Variants in AKAP12 observed in about 807,000 individuals in gnomAD.
AKAP12 encodes A-kinase anchoring protein 12.
Under a neutral mutation model 79.9 loss-of-function variants are expected in AKAP12, and 32 were observed. The observed-to-expected ratio is 0.40, with a 90% CI of 0.30 to 0.54. The LOEUF is 0.54. AKAP12 is among the 20% of genes least tolerant of loss of function. The pLI, the probability that AKAP12 is intolerant of heterozygous loss-of-function variation, is 0.48. For synonymous variants in AKAP12, 808 were observed against 857.0 expected (o/e 0.94, Z 1.00); for missense variants, 2,074 against 2,177.0 (o/e 0.95, Z 0.94).
chr6:151,333,156 G>A (rs1777720787), intron 3 of AKAP12, among the ~76,000 whole-genome samples: 2 of 152,142 alleles, frequency 1.3e-5, no homozygotes, highest in Non-Finnish European at 2.9e-5. Flanking sequence ...ATTAAAAGAA[G>A]CGCCCTAACG....
intron 3 of AKAP12, among the ~76,000 whole-genome samples, chr6:151,330,009 C>T (rs911561186): frequency 6.6e-6 from 1 of 152,152 alleles, no homozygotes; most frequent in African/African-American, 2.4e-5. Context: ...TTTAAGGGAT[C>T]GTGAAACATC....
At chr6:151,338,353 C>T (rs1777866605) in intron 3 of AKAP12, among the ~76,000 whole-genome samples, 1 of 151,928 alleles carries the variant, frequency 6.6e-6, no homozygotes, top group Admixed American at 6.6e-5. Flanking sequence ...TAGCTTTTGT[C>T]TTTTAGACTT....
rs755477991 is a variant in AKAP12, at chr6:151,351,244, T to C, written c.2853T>C (p.Thr951=). Residue 951 remains threonine, a synonymous_variant, in exon 4 of 5, where the codon ACT becomes ACC. Coordinates refer to ENST00000402676, the MANE Select transcript of AKAP12 (RefSeq NM_005100.4). This position sits in a 1 kb window ranked among gnomAD's most constrained non-coding sequence, Gnocchi z 4.4. The part of the protein sequence containing the change: ...VIAEEEPPTV[T]EPLPENREAR... ...CAGAAGAAGAACCCCCCACGGTTAC[T>C]GAACCTCTGCCAGAGAACAGAGAGG... is the stretch of plus-strand genomic sequence containing the variant. The C allele has an allele frequency of 2.8e-5, 45 of 1,614,218 alleles. No homozygotes were observed. The highest frequency in any genetic ancestry group is 1.2e-4 in the South Asian group (11 of 91,088).
In AKAP12 at chr6:151,353,004, G is replaced by A; in HGVS notation, c.4613G>A (p.Gly1538Glu). The change falls in exon 4 of 5, where the codon GGG (glycine) becomes GAG (glutamate). Residue 1538 changes from glycine (G) to glutamate (E), a missense_variant. By Grantham distance (98) the Gly-to-Glu change is moderately conservative. Around this residue, in one of 3 missense-constraint regions of AKAP12, gnomAD observed 614 missense variants for 665.6 expected, o/e 0.92. Coordinates refer to ENST00000402676, the MANE Select transcript of AKAP12 (RefSeq NM_005100.4). ...ATTGAGGATTTAGAGCCTGAAAATG[G>A]GATTTTGGAACTTGAGACCAAAAGC... Reference protein sequence around the residue: ...VAIEDLEPENGILELETKSSK... With the variant: ...VAIEDLEPENEILELETKSSK... 1 of 1,614,076 alleles carries A rather than the reference G, an allele frequency of 6.2e-7. No homozygotes were observed.
At chr6:151,240,305 G>A in intron 1 of AKAP12, 79 bp from the exon 2 acceptor site, 1 of 361,710 alleles carries the variant, frequency 2.8e-6, no homozygotes, top group East Asian at 4.5e-5. Flanking sequence ...GTGCTCATGT[G>A]ATGAAGCGAG....
At chr6:151,281,048 C>T (rs1026530803) in intron 2 of AKAP12, among the ~76,000 whole-genome samples, 1 of 152,148 alleles carries the variant, frequency 6.6e-6, no homozygotes, top group Non-Finnish European at 1.5e-5. Flanking sequence ...TTCCATTCTG[C>T]AGGAAGTGGC....
chr6:151,247,405 T>TA (rs974130131), intron 2 of AKAP12, among the ~76,000 whole-genome samples: 16 of 151,734 alleles, frequency 1.1e-4, no homozygotes, highest in African/African-American at 2.7e-4. Flanking sequence ...TATCTCTATT[T>TA]AAAAAAACAA....
intron 3 of AKAP12, chr6:151,324,452 C>T (rs1777474562): frequency 1.0e-6 from 1 of 985,282 alleles, no homozygotes; most frequent in Non-Finnish European, 1.2e-6. Flanking sequence ...CGTGCCATGC[C>T]AGCCAGCTCT....
intron 2 of AKAP12, among the ~76,000 whole-genome samples, chr6:151,303,780 C>T (rs900012062): frequency 4.6e-5 from 7 of 152,066 alleles, no homozygotes; most frequent in Admixed American, 1.3e-4. Context: ...AAGCATGGCA[C>T]GTATCTTTGT....
chr6:151,304,033 A>T (rs957818531), intron 2 of AKAP12, among the ~76,000 whole-genome samples: 2 of 152,226 alleles, frequency 1.3e-5, no homozygotes, highest in African/African-American at 2.4e-5. Context: ...TCATTATTAT[A>T]AAATGGAAAT....
chr6:151,343,889 C>T lies in AKAP12; in HGVS notation c.320-4822C>T, dbSNP rs776879329. The T allele has an allele frequency of 1.0e-3, 437 of 434,170 alleles. 2 individuals are homozygous for T. The highest frequency in any genetic ancestry group is 5.8e-4 in the South Asian group (33 of 56,562). 26.9% of individuals were successfully genotyped at this position (434,170 alleles called of 1,614,324 possible). A position where few individuals can be genotyped will look rare whatever the true frequency, so the allele number is the denominator to read the frequency against. ...TCACAGTGTCAGTTTATAATAGGAA[C>T]AAATAGAAACTTAAAGCATTTTCTT... is the stretch of plus-strand genomic sequence containing the variant. On this transcript the variant is annotated intron_variant, in intron 3 of 4. Coordinates refer to ENST00000402676, the MANE Select transcript of AKAP12 (RefSeq NM_005100.4).
intron 3 of AKAP12, among the ~76,000 whole-genome samples, chr6:151,309,207 A>C: frequency 6.6e-6 from 1 of 152,142 alleles, no homozygotes; most frequent in South Asian, 2.1e-4. Flanking sequence ...TTGCTTCCAG[A>C]AATCAGAATT....
chr6:151,350,776 C>T lies in AKAP12; in HGVS notation c.2385C>T (p.Asp795=), dbSNP rs1191112344. Residue 795 remains aspartate (D), a synonymous_variant, in exon 4 of 5, where the codon GAC becomes GAT. Coordinates refer to ENST00000402676, the MANE Select transcript of AKAP12 (RefSeq NM_005100.4). This position sits in a 1 kb window ranked among gnomAD's most constrained non-coding sequence, Gnocchi z 4.8. ...AGSGVEHSTP[D]TEPGKEESWV... Reference sequence around the variant, plus strand: ...CTGGTGTAGAACATTCCACTCCAGACACTGAACCCGGTAAAGAAGAATCCT... The same window carrying T: ...CTGGTGTAGAACATTCCACTCCAGATACTGAACCCGGTAAAGAAGAATCCT... 2.5e-6 allele frequency: 4 copies of T among 1,614,004 alleles called. No individual in the cohort carries two copies. The highest frequency in any genetic ancestry group is 2.5e-6 in the Non-Finnish European group (3 of 1,179,956).
intron 3 of AKAP12, among the ~76,000 whole-genome samples, chr6:151,346,296 C>T (rs1026606895): frequency 2.0e-5 from 3 of 152,114 alleles, no homozygotes; most frequent in East Asian, 1.9e-4. Flanking sequence ...ATTACAAACC[C>T]GGAAAAATAT....
chr6:151,351,452 C>A lies in AKAP12; in HGVS notation c.3061C>A (p.Pro1021Thr). ...DSPDTTEEAT[P>T]VQEVEGGVPD... is the part of the protein sequence containing the mutation. ...CCCAGACACCACAGAGGAGGCCACTCCGGTGCAGGAGGTGGAAGGTGGCGT... is the reference window on the plus strand; with the variant it reads ...CCCAGACACCACAGAGGAGGCCACTACGGTGCAGGAGGTGGAAGGTGGCGT... Residue 1021 changes from proline to threonine, a missense_variant, in exon 4 of 5, where the codon CCG becomes ACG. Transcript: ENST00000402676. This position sits in a 1 kb window ranked among gnomAD's most constrained non-coding sequence, Gnocchi z 4.4. 9 of 1,614,158 alleles carry A rather than the reference C, an allele frequency of 5.6e-6. No homozygotes were observed. Among genetic ancestry groups the A allele is most frequent in the Non-Finnish European group, 7.6e-6 (9 of 1,180,024 alleles).
rs1778249633 is a variant in AKAP12 at position 151,350,380 on chromosome 6, G to C, written c.1989G>C (p.Glu663Asp). The change falls in exon 4 of 5, where the codon GAG becomes GAC. Residue 663 changes from glutamate (E) to aspartate (D), a missense_variant. This residue lies in a region of AKAP12 where 1,428 missense variants were observed against 1,451.0 expected (regional missense o/e 0.98). Coordinates refer to ENST00000402676, the MANE Select transcript of AKAP12 (RefSeq NM_005100.4). This position sits in a 1 kb window ranked among gnomAD's most constrained non-coding sequence, Gnocchi z 4.8. ...MQEEMKGSVEEPKPEEPKRKV... is the reference protein window; with the variant it reads ...MQEEMKGSVEDPKPEEPKRKV... Reference sequence around the variant, plus strand: ...AAGAAATGAAAGGGAGCGTGGAAGAGCCAAAGCCGGAAGAACCAAAGCGCA... The same window carrying C: ...AAGAAATGAAAGGGAGCGTGGAAGACCCAAAGCCGGAAGAACCAAAGCGCA... 6.2e-7 allele frequency: 1 copy of C among 1,613,894 alleles called. No homozygotes were observed. Among genetic ancestry groups the C allele is most frequent in the Non-Finnish European group, 8.5e-7 (1 of 1,180,022 alleles).
chr6:151,341,021 C>G (rs981795526), intron 3 of AKAP12, among the ~76,000 whole-genome samples: 7 of 151,436 alleles, frequency 4.6e-5, no homozygotes, highest in Non-Finnish European at 8.8e-5. Context: ...TCTCCATTGT[C>G]GAGGTCCTTT....
intron 2 of AKAP12, among the ~76,000 whole-genome samples, chr6:151,263,673 G>C (rs1797484812): frequency 6.6e-6 from 1 of 152,010 alleles, no homozygotes; most frequent in Non-Finnish European, 1.5e-5. Flanking sequence ...CCGCCTCCTG[G>C]GTTCAAGCAA....
chr6:151,288,197 A>C (rs1418743201), intron 2 of AKAP12, among the ~76,000 whole-genome samples: 2 of 147,946 alleles, frequency 1.4e-5, no homozygotes, highest in Middle Eastern at 3.2e-3. Context: ...CATGTATCCC[A>C]GAACTTAAAG....
Sources: gnomAD v4.1 joint callset for allele counts (sites outside exome capture counted in the v4.1 genomes callset) on GRCh38, gnomAD v4.1.1 for gene constraint, gnomAD v4.1.1 regional missense constraint, Gnocchi (gnomAD v3.1) non-coding constraint, MANE v1.5 for transcripts, NCBI Gene and HGNC (gene_info 2026-07-23, HGNC 2026-07-21) for gene names.